The following GRIK1 variants were observed in gnomAD, a reference collection of about 807,000 sequenced individuals.
GRIK1 encodes the protein glutamate receptor ionotropic, kainate 1.
Under a neutral mutation model 105.7 loss-of-function variants are expected in GRIK1, and 69 were observed. The observed-to-expected ratio is 0.65, with a 90% CI of 0.54 to 0.80. GRIK1 has a LOEUF of 0.80. GRIK1 is among the 30% of genes least tolerant of loss of function. The pLI is 0.00. For missense variants in GRIK1, 1,109 were observed against 1,167.3 expected (o/e 0.95, Z 0.73); for synonymous variants, 438 against 431.3 (o/e 1.02, Z -0.19).
chr21:29,793,794 G>T (rs1473437166), intron 1 of GRIK1, among the ~76,000 whole-genome samples: 1 of 152,100 alleles, frequency 6.6e-6, no homozygotes, highest in Non-Finnish European at 1.5e-5. Flanking sequence ...GCTTATAGCG[G>T]TGCTCCACAG....
intron 3 of GRIK1, among the ~76,000 whole-genome samples, chr21:29,678,710 G>A (rs1171847326): frequency 6.6e-6 from 1 of 152,158 alleles, no homozygotes; most frequent in African/African-American, 2.4e-5. Flanking sequence ...CCATCGTTGG[G>A]TTATTTCAGT....
At chr21:29,874,606 A>G (rs1451574306) in intron 1 of GRIK1, among the ~76,000 whole-genome samples, 2 of 152,200 alleles carry the variant, frequency 1.3e-5, no homozygotes, top group Admixed American at 6.5e-5. Context: ...GTACTGGTTT[A>G]TGGCCCAGGG....
chr21:29,612,868 C>T (rs1198131060), intron 7 of GRIK1, among the ~76,000 whole-genome samples: 1 of 152,056 alleles, frequency 6.6e-6, no homozygotes, highest in Non-Finnish European at 1.5e-5. Context: ...ACATTGTAAA[C>T]AAGACACTTT....
intron 1 of GRIK1, among the ~76,000 whole-genome samples, chr21:29,849,810 A>C (rs575760609): frequency 2.7e-4 from 41 of 152,314 alleles, no homozygotes; most frequent in Non-Finnish European, 4.0e-4. Flanking sequence ...AGGATTCTGC[A>C]GGTGTTAATT....
At chr21:29,751,649 T>C (rs1026522827) in intron 1 of GRIK1, among the ~76,000 whole-genome samples, 3 of 152,192 alleles carry the variant, frequency 2.0e-5, no homozygotes, top group African/African-American at 7.2e-5. Context: ...CACAGCAGCT[T>C]TGCTAATGCC....
chr21:29,540,483 G>C (rs2089951114), intron 16 of GRIK1, among the ~76,000 whole-genome samples: 1 of 152,070 alleles, frequency 6.6e-6, no homozygotes, highest in Admixed American at 6.6e-5. Flanking sequence ...GACCTTTAAG[G>C]CCTCTCCCAG....
intron 14 of GRIK1, among the ~76,000 whole-genome samples, chr21:29,567,785 C>T (rs1344889544): frequency 6.6e-6 from 1 of 152,072 alleles, no homozygotes; most frequent in Non-Finnish European, 1.5e-5. Context: ...TTCTTTTAGA[C>T]ATGATTAATA....
intron 1 of GRIK1, among the ~76,000 whole-genome samples, chr21:29,797,913 A>ATGAAAT (rs1252831845): frequency 6.6e-6 from 1 of 152,176 alleles, no homozygotes; most frequent in African/African-American, 2.4e-5. Context: ...TACACTCTTC[A>ATGAAAT]TGAAATTCAG....
chr21:29,894,462 C>A (rs2070032508), intron 1 of GRIK1, among the ~76,000 whole-genome samples: 2 of 152,178 alleles, frequency 1.3e-5, no homozygotes, highest in Non-Finnish European at 2.9e-5. Context: ...GAAGACTCAG[C>A]AAGTCTGTTC....
chr21:29,919,636 C>G (rs2071125169), intron 1 of GRIK1, among the ~76,000 whole-genome samples: 1 of 152,116 alleles, frequency 6.6e-6, no homozygotes, highest in African/African-American at 2.4e-5. Context: ...CAAGAGTTTG[C>G]TAGAACAGAG....
intron 1 of GRIK1, among the ~76,000 whole-genome samples, chr21:29,734,817 T>C (rs913301749): frequency 1.3e-5 from 2 of 152,196 alleles, no homozygotes; most frequent in African/African-American, 2.4e-5. Flanking sequence ...TTCCTACTAA[T>C]TCCCCACCAT....
At chr21:29,643,279 A>G (rs1044794504) in intron 6 of GRIK1, among the ~76,000 whole-genome samples, 11 of 152,246 alleles carry the variant, frequency 7.2e-5, no homozygotes, top group African/African-American at 2.4e-4. Context: ...CATGTTAAGC[A>G]TGGTGTTAAG....
At chr21:29,872,983 C>T (rs928930316) in intron 1 of GRIK1, among the ~76,000 whole-genome samples, 3 of 151,990 alleles carry the variant, frequency 2.0e-5, no homozygotes, top group Admixed American at 1.3e-4. Context: ...AAGATTGAGA[C>T]GAAAGTGGAC....
At chr21:29,849,467 T>C in intron 1 of GRIK1, among the ~76,000 whole-genome samples, 1 of 152,212 alleles carries the variant, frequency 6.6e-6, no homozygotes, top group East Asian at 1.9e-4. Context: ...TAAGTCATTG[T>C]AGTGTTGCCT....
At chr21:29,789,427 A>C (rs2066350700) in intron 1 of GRIK1, among the ~76,000 whole-genome samples, 1 of 152,222 alleles carries the variant, frequency 6.6e-6, no homozygotes, top group Admixed American at 6.5e-5. Context: ...TTGGAGTCAT[A>C]ATAATCCCTC....
intron 1 of GRIK1, among the ~76,000 whole-genome samples, chr21:29,856,892 C>T (rs143574458): frequency 1.4e-4 from 22 of 151,860 alleles, no homozygotes; most frequent in African/African-American, 4.6e-4. Context: ...GCCTAAGGAC[C>T]CCGAGGTTGG....
intron 1 of GRIK1, among the ~76,000 whole-genome samples, chr21:29,806,501 A>G (rs2066868143): frequency 6.6e-6 from 1 of 152,138 alleles, no homozygotes; most frequent in Non-Finnish European, 1.5e-5. Context: ...TTAAAACGTA[A>G]TGTCATTTGA....
intron 1 of GRIK1, among the ~76,000 whole-genome samples, chr21:29,892,957 C>CAT (rs2069958477): frequency 1.3e-5 from 2 of 152,100 alleles, no homozygotes; most frequent in Non-Finnish European, 2.9e-5. Flanking sequence ...GTGGATCACC[C>CAT]GAGGTCAGGA....
intron 1 of GRIK1, among the ~76,000 whole-genome samples, chr21:29,726,767 G>A (rs1202555558): frequency 6.6e-6 from 1 of 151,358 alleles, no homozygotes; most frequent in Non-Finnish European, 1.5e-5. Flanking sequence ...GTTTACAATT[G>A]TTATTGGTAC....
Sources: gnomAD v4.1 joint callset for allele counts (sites outside exome capture counted in the v4.1 genomes callset) on GRCh38, gnomAD v4.1.1 for gene constraint, MANE v1.5 for transcripts, NCBI Gene and HGNC (gene_info 2026-07-23, HGNC 2026-07-21) for gene names.